MYO1H: variants seen among roughly 807,000 people sequenced by gnomAD.
MYO1H encodes the protein unconventional myosin-Ih.
Under a neutral mutation model 149.3 loss-of-function variants are expected in MYO1H, and 118 were observed. That is an observed-to-expected ratio of 0.79 (90% CI 0.68 to 0.92). The LOEUF (loss-of-function observed/expected upper bound fraction) is 0.92, where lower values mean the gene tolerates loss of function less well. MYO1H is among the 40% of genes least tolerant of loss of function. The probability of loss-of-function intolerance (pLI) is 0.00; values close to 1 mark genes in which losing one functional copy is unlikely to be tolerated. For missense variants in MYO1H, 1,212 were observed against 1,280.7 expected, an observed-to-expected ratio of 0.95 and a Z score of 0.82; for synonymous variants, 447 against 465.2, an observed-to-expected ratio of 0.96 and a Z score of 0.50.
chr12:109,377,220 T>C (rs529322051), intron 1 of MYO1H, among the ~76,000 whole-genome samples: 54 of 152,332 alleles, frequency 3.5e-4, no homozygotes, highest in African/African-American at 1.3e-3. Context: ...TGAGGCTGAA[T>C]AGTTTATAAA....
intron 1 of MYO1H, among the ~76,000 whole-genome samples, chr12:109,372,989 T>G (rs931667922): frequency 2.6e-5 from 4 of 152,132 alleles, no homozygotes; most frequent in African/African-American, 7.2e-5. Context: ...ATAAACTTAT[T>G]CTATATTTTA....
In MYO1H at chr12:109,396,814, G is replaced by GTTTTTTTTT. The variant is rs60551691; in HGVS notation, c.489+254_489+262dup. 8.4e-4 allele frequency among the ~76,000 whole-genome samples: 43 copies of GTTTTTTTTT among 51,070 alleles called. 4 individuals carry two copies. The highest frequency in any genetic ancestry group is 1.3e-3 in the African/African-American group (21 of 15,864). The allele number at this position is 51,070 out of a possible 152,430, so 33.5% of individuals were successfully genotyped here. A position where few individuals can be genotyped will look rare whatever the true frequency, so the allele number is the denominator to read the frequency against. The stretch of plus-strand genomic sequence containing the variant: ...GACATTTGGTTTTTGTTTTGGTTTC[G>GTTTTTTTTT]TTTTTTTTTTTTTTTTTTTTTTTTT... On this transcript the variant is annotated intron_variant, in intron 4 of 31. Transcript: ENST00000310903.
chr12:109,399,161 A>G (rs912917671), intron 5 of MYO1H, among the ~76,000 whole-genome samples: 8 of 152,202 alleles, frequency 5.3e-5, no homozygotes, highest in Non-Finnish European at 7.3e-5. Flanking sequence ...AAGAAATTTA[A>G]TAGCTATGCA....
intron 13 of MYO1H, 39 bp downstream of exon 13, chr12:109,410,807 G>A: frequency 7.5e-7 from 1 of 1,331,312 alleles, no homozygotes. Flanking sequence ...TATTCACCCG[G>A]CACTTACAAC....
intron 5 of MYO1H, among the ~76,000 whole-genome samples, chr12:109,400,023 T>C (rs900808364): frequency 5.3e-5 from 8 of 152,208 alleles, no homozygotes; most frequent in African/African-American, 1.7e-4. Context: ...TCACTGGTCA[T>C]TGAAGTGCAT....
chr12:109,427,708 G>A (rs1871410904), intron 19 of MYO1H, 122 bp downstream of exon 19: 3 of 689,802 alleles, frequency 4.3e-6, no homozygotes, highest in Admixed American at 3.9e-5. Context: ...GTTAACTGCT[G>A]TAGTTATGAC....
the MYO1H span, among the ~76,000 whole-genome samples, chr12:109,311,396 C>T: frequency 6.6e-6 from 1 of 152,174 alleles, no homozygotes; most frequent in African/African-American, 2.4e-5. Flanking sequence ...CACTAAAACA[C>T]CTACTGCTAC....
At chr12:109,360,810 G>A (rs1376155730) in intron 1 of MYO1H, among the ~76,000 whole-genome samples, 3 of 152,176 alleles carry the variant, frequency 2.0e-5, no homozygotes, top group Non-Finnish European at 4.4e-5. Context: ...ATCTTGGTTG[G>A]TTTTTACGTT....
chr12:109,440,924 G>A (rs1872097284), intron 25 of MYO1H, 97 bp downstream of exon 25: 11 of 898,074 alleles, frequency 1.2e-5, no homozygotes, highest in South Asian at 4.5e-5. Flanking sequence ...ACCTATAAGC[G>A]GGGGTCATGC....
chr12:109,391,262 C>A (rs1382871331), intron 2 of MYO1H, among the ~76,000 whole-genome samples: 1 of 152,078 alleles, frequency 6.6e-6, no homozygotes, highest in African/African-American at 2.4e-5. Flanking sequence ...GTGTTGTTCC[C>A]CCCTCTCCCA....
intron 1 of MYO1H, among the ~76,000 whole-genome samples, chr12:109,379,383 C>T (rs149170697): frequency 1.4e-3 from 209 of 152,288 alleles, no homozygotes; most frequent in Non-Finnish European, 2.3e-3. Flanking sequence ...TTGGGTGCAA[C>T]GGTCTACATG....
At chr12:109,349,489 C>CA (rs1258366708) in intron 1 of MYO1H, among the ~76,000 whole-genome samples, 5 of 108,620 alleles carry the variant, frequency 4.6e-5, no homozygotes, top group Non-Finnish European at 7.6e-5. Context: ...ATAGTGTGAC[C>CA]CCCCCACCAA....
intron 15 of MYO1H, among the ~76,000 whole-genome samples, chr12:109,419,794 C>G (rs999778327): frequency 1.3e-5 from 2 of 151,524 alleles, no homozygotes; most frequent in African/African-American, 4.9e-5. Flanking sequence ...CTCCTAGGCT[C>G]GAGCTATCCT....
intron 1 of MYO1H, among the ~76,000 whole-genome samples, chr12:109,367,591 G>A (rs1030673824): frequency 1.8e-4 from 27 of 151,948 alleles, no homozygotes; most frequent in Non-Finnish European, 3.1e-4. Flanking sequence ...TTGCTCTGTC[G>A]TCCAGGCTGG....
chr12:109,327,739 CAAAA>C, the MYO1H span, among the ~76,000 whole-genome samples: 658 of 85,638 alleles, frequency 7.7e-3, 11 homozygotes, highest in African/African-American at 0.027. Context: ...AAAACTGTCT[CAAAA>C]AAAAAAAAAA....
intron 21 of MYO1H, among the ~76,000 whole-genome samples, chr12:109,435,473 C>T (rs1047260421): frequency 1.3e-5 from 2 of 152,192 alleles, no homozygotes; most frequent in Non-Finnish European, 2.9e-5. Context: ...AGCTTCAAAG[C>T]CTGCAGCCTG....
At chr12:109,408,167 CTTTTTA>C in intron 10 of MYO1H, among the ~76,000 whole-genome samples, 1 of 152,164 alleles carries the variant, frequency 6.6e-6, no homozygotes, top group Non-Finnish European at 1.5e-5. Flanking sequence ...TACACAGAAA[CTTTTTA>C]TTTTTTATTT....
intron 10 of MYO1H, 134 bp from the exon 11 acceptor site, chr12:109,409,423 A>G (rs923681502): frequency 1.2e-6 from 1 of 802,904 alleles, no homozygotes; most frequent in East Asian, 2.5e-5. Flanking sequence ...CTTCCACCCA[A>G]AGATTTTCCG....
chr12:109,391,102 G>T (rs1869632996), intron 2 of MYO1H, among the ~76,000 whole-genome samples: 1 of 152,158 alleles, frequency 6.6e-6, no homozygotes, highest in African/African-American at 2.4e-5. Context: ...TAACTTCAGG[G>T]GTACATGTGC....
Sources: gnomAD v4.1 joint callset for allele counts (sites outside exome capture counted in the v4.1 genomes callset) on GRCh38, gnomAD v4.1.1 for gene constraint, MANE v1.5 for transcripts, NCBI Gene and HGNC (gene_info 2026-07-23, HGNC 2026-07-21) for gene names.